Variants in BCR observed in about 807,000 individuals in gnomAD.
The protein encoded by BCR is BCR activator of RhoGEF and GTPase.
Under a neutral mutation model 138.6 loss-of-function variants are expected in BCR, and 58 were observed. The observed-to-expected ratio is 0.42, with a 90% CI of 0.34 to 0.52. The LOEUF (loss-of-function observed/expected upper bound fraction) is 0.52. Among genes scored for constraint, BCR ranks in the 20% least tolerant of loss-of-function variants. The pLI is 0.06. For synonymous variants in BCR, 786 were observed against 730.1 expected, an observed-to-expected ratio of 1.08 and a Z score of -1.23; for missense variants, 1,599 against 1,727.2, an observed-to-expected ratio of 0.93 and a Z score of 1.32.
chr22:23,244,748 C>G (rs1466354789), intron 1 of BCR, among the ~76,000 whole-genome samples: 1 of 152,158 alleles, frequency 6.6e-6, no homozygotes, highest in Non-Finnish European at 1.5e-5. Context: ...TCTTTCTGAG[C>G]CCCAGAGTCC....
rs189075830 is a variant in BCR at position 23,315,289 on chromosome 22, C to T, written c.3727-144C>T. The T allele has an allele frequency of 3.8e-3, 2,663 of 701,264 alleles. 76 individuals are homozygous for T. The African/African-American group carries it at 0.043, about 11-fold the overall frequency. 43.4% of individuals were successfully genotyped at this position (701,264 alleles called of 1,614,324 possible). ...CCTTGTCAGGACCCCACCCCACCCC[C>T]ATCTCACTGTAAGGGGTTCATGACA... On this transcript the variant is annotated intron_variant, in intron 22 of 22. Coordinates refer to ENST00000305877, the MANE Select transcript of BCR (RefSeq NM_004327.4).
intron 1 of BCR, among the ~76,000 whole-genome samples, chr22:23,203,201 G>A (rs906469408): frequency 6.6e-6 from 1 of 152,136 alleles, no homozygotes; most frequent in Non-Finnish European, 1.5e-5. Flanking sequence ...CCCATGATGG[G>A]GTGGGCCTCT....
At chr22:23,238,154 C>T (rs1184759965) in intron 1 of BCR, among the ~76,000 whole-genome samples, 1 of 152,048 alleles carries the variant, frequency 6.6e-6, no homozygotes, top group Non-Finnish European at 1.5e-5. Context: ...TCTGGTCATC[C>T]CGGTCATCCT....
intron 1 of BCR, chr22:23,198,166 A>T: frequency 2.7e-6 from 1 of 366,390 alleles, no homozygotes; most frequent in South Asian, 2.0e-5. Context: ...AAGTGAGTAT[A>T]GGAGAGACCA....
chr22:23,191,888 G>A (rs1387930791), intron 1 of BCR, among the ~76,000 whole-genome samples: 1 of 152,190 alleles, frequency 6.6e-6, no homozygotes, highest in Non-Finnish European at 1.5e-5. Context: ...TATCCCGCTG[G>A]TTCTGTTTCC....
chr22:23,285,585 A>G (rs1364513089), intron 10 of BCR, among the ~76,000 whole-genome samples: 1 of 152,208 alleles, frequency 6.6e-6, no homozygotes, highest in East Asian at 1.9e-4. Flanking sequence ...AACTGTGTCC[A>G]GTTTATGCCC....
chr22:23,289,736 A>G (rs2073762830), intron 13 of BCR, 115 bp downstream of exon 13: 4 of 895,686 alleles, frequency 4.5e-6, no homozygotes, highest in Non-Finnish European at 7.2e-6. Context: ...ACTTTGGTTC[A>G]GAAGGAAGAG....
chr22:23,307,141 G>A (rs1051820170), intron 16 of BCR, among the ~76,000 whole-genome samples: 69 of 152,234 alleles, frequency 4.5e-4, no homozygotes, highest in Non-Finnish European at 9.3e-4. Context: ...TGTTGCGCAG[G>A]CTGGAGTGCA....
At chr22:23,310,004 A>G in intron 17 of BCR, 2 of 413,730 alleles carry the variant, frequency 4.8e-6, no homozygotes, top group South Asian at 2.2e-5. Context: ...GAGGCAGGAG[A>G]ATCACTGGAA....
chr22:23,246,539 A>G (rs1006106598), intron 1 of BCR, among the ~76,000 whole-genome samples: 5 of 152,176 alleles, frequency 3.3e-5, no homozygotes, highest in African/African-American at 7.2e-5. Context: ...AAGGTTATCA[A>G]TGCCACATCT....
chr22:23,289,968 T>G (rs1305101766), intron 13 of BCR: 2 of 503,934 alleles, frequency 4.0e-6, no homozygotes, highest in East Asian at 7.0e-5. Flanking sequence ...CAGCCGGCAC[T>G]TTTGGTCAAG....
intron 1 of BCR, among the ~76,000 whole-genome samples, chr22:23,240,992 T>G (rs1184395648): frequency 1.3e-5 from 2 of 152,230 alleles, no homozygotes; most frequent in Non-Finnish European, 2.9e-5. Flanking sequence ...CCTATCTCAG[T>G]CAGCGTGTGT....
rs371986661 is a variant in BCR at position 23,252,427 on chromosome 22, C to CTTTTTTTTT, written c.1280-1368_1280-1367insTTTTTTTTT. On this transcript the variant is annotated intron_variant, in intron 1 of 22. Transcript: ENST00000305877. ...TTGGGTTTCCCTTTCTTTTTCTTTT[C>CTTTTTTTTT]TTTTCTTTTTTTTTTTTTTTTGAGA... 1.1e-3 allele frequency among the ~76,000 whole-genome samples: 134 copies of CTTTTTTTTT among 119,480 alleles called. 6 individuals are homozygous for CTTTTTTTTT. Among genetic ancestry groups the CTTTTTTTTT allele is most frequent in the African/African-American group, 3.0e-3 (86 of 28,420 alleles). 78.4% of individuals were successfully genotyped at this position (119,480 alleles called of 152,430 possible).
At chr22:23,225,875 G>A (rs986746433) in intron 1 of BCR, among the ~76,000 whole-genome samples, 26 of 152,338 alleles carry the variant, frequency 1.7e-4, no homozygotes, top group African/African-American at 6.0e-4. Context: ...CCTGAAACAC[G>A]CTTTGAGCCT....
rs1456120080 is a variant in BCR, at chr22:23,290,341, G to A, written c.2710G>A (p.Asp904Asn). The change falls in exon 14 of 23, where the codon GAT becomes AAT. Residue 904 changes from aspartate to asparagine, a missense_variant and splice_region_variant. Asp to Asn is a conservative substitution (Grantham distance 23, BLOSUM62 1). This residue lies in a region of BCR where 590 missense variants were observed against 762.4 expected (regional missense o/e 0.77). Coordinates refer to ENST00000305877, the MANE Select transcript of BCR (RefSeq NM_004327.4). ...SIPLTINKED[D>N]ESPGLYGFLN... ...GACCTCTTTGATCTCTTGCGCAGAT[G>A]ATGAGTCTCCGGGGCTCTATGGGTT... The A allele has an allele frequency of 6.2e-7, 1 of 1,614,034 alleles. No individual in the cohort carries two copies. Among genetic ancestry groups the A allele is most frequent in the South Asian group, 1.1e-5 (1 of 91,084 alleles).
intron 1 of BCR, among the ~76,000 whole-genome samples, chr22:23,247,170 T>C (rs1343664424): frequency 2.0e-5 from 3 of 152,080 alleles, no homozygotes; most frequent in Non-Finnish European, 4.4e-5. Context: ...TGGGAGAAGA[T>C]GGGAGGCCAA....
intron 8 of BCR, among the ~76,000 whole-genome samples, chr22:23,278,363 C>CA (rs1225019265): frequency 2.6e-5 from 4 of 152,200 alleles, no homozygotes; most frequent in Admixed American, 6.5e-5. Flanking sequence ...ACCACCAGTG[C>CA]AGGCTTGAGG....
rs2073772005 is a variant in BCR, at chr22:23,290,363, G to T, written c.2732G>T (p.Gly911Val). 6.2e-7 allele frequency: 1 copy of T among 1,613,990 alleles called. No individual in the cohort carries two copies. Among genetic ancestry groups the T allele is most frequent in the South Asian group, 1.1e-5 (1 of 91,086 alleles). The part of the protein sequence containing the change: ...KEDDESPGLY[G>V]FLNVIVHSAT... Reference sequence around the variant, plus strand: ...GATGATGAGTCTCCGGGGCTCTATGGGTTTCTGAATGTCATCGTCCACTCA... The same window carrying T: ...GATGATGAGTCTCCGGGGCTCTATGTGTTTCTGAATGTCATCGTCCACTCA... The change falls in exon 14 of 23, where the codon GGG (glycine) becomes GTG (valine). Residue 911 changes from glycine (G) to valine (V), a missense_variant. By Grantham distance (109) the Gly-to-Val change is moderately radical (BLOSUM62 -3). Transcript: ENST00000305877.
At chr22:23,256,049 C>T (rs1478948107) in intron 2 of BCR, among the ~76,000 whole-genome samples, 1 of 152,180 alleles carries the variant, frequency 6.6e-6, no homozygotes, top group Admixed American at 6.5e-5. Flanking sequence ...GCCTTGACTT[C>T]CTGGTTTCCC....
Sources: allele counts gnomAD v4.1 joint callset (sites outside exome capture counted in the v4.1 genomes callset), GRCh38; gene constraint gnomAD v4.1.1; regional missense constraint gnomAD v4.1.1; transcripts MANE v1.5; gene names NCBI Gene and HGNC (gene_info 2026-07-23, HGNC 2026-07-21).